ITGB6: variants seen among roughly 807,000 people sequenced by gnomAD.
ITGB6 encodes the protein integrin beta-6.
In ITGB6, 80 loss-of-function variants were observed where a neutral mutation model predicts 84.5. The ratio of observed to expected loss-of-function variants is 0.95; its 90% CI spans 0.79 to 1.14. The LOEUF (loss-of-function observed/expected upper bound fraction) is 1.14. ITGB6 is among the 50% of genes most tolerant of loss of function. ITGB6 has a pLI of 0.00. For missense variants in ITGB6, 1,006 were observed against 968.0 expected (o/e 1.04, Z -0.52); for synonymous variants, 383 against 354.9 (o/e 1.08, Z -0.89).
chr2:160,132,372 C>A (rs1030334464), intron 10 of ITGB6, among the ~76,000 whole-genome samples: 5 of 152,140 alleles, frequency 3.3e-5, no homozygotes, highest in Non-Finnish European at 4.4e-5. Flanking sequence ...TTGGCTGCAA[C>A]AGCAGCAGCA....
chr2:160,117,474 A>C (rs565212836), intron 12 of ITGB6, among the ~76,000 whole-genome samples: 15 of 152,348 alleles, frequency 9.8e-5, no homozygotes, highest in Admixed American at 6.5e-5. Flanking sequence ...AGCGAGAACA[A>C]AGAAACAACA....
chr2:160,144,226 A>G (rs183980813), intron 7 of ITGB6, among the ~76,000 whole-genome samples: 1 of 152,188 alleles, frequency 6.6e-6, no homozygotes, highest in Admixed American at 6.5e-5. Context: ...TAACAGTGTG[A>G]GATGCTGCTC....
Position 160,200,154 on chromosome 2 carries a change from T to C in ITGB6, c.-91A>G. 2 of 993,882 alleles carry C rather than the reference T, an allele frequency of 2.0e-6. No individual in the cohort carries two copies. Among genetic ancestry groups the C allele is most frequent in the Non-Finnish European group, 3.1e-6 (2 of 637,028 alleles). 61.6% of individuals were successfully genotyped at this position (993,882 alleles called of 1,614,324 possible). On this transcript the variant is annotated 5_prime_UTR_variant, in exon 1 of 15. Coordinates refer to ENST00000283249, the MANE Select transcript of ITGB6 (RefSeq NM_000888.5). ...GCTGAATATCGTTAAAGTCTTTCTTTCTTGAAGTATAACATTTTAAATACT... is the reference window on the plus strand; with the variant it reads ...GCTGAATATCGTTAAAGTCTTTCTTCCTTGAAGTATAACATTTTAAATACT...
intron 6 of ITGB6, 121 bp from the exon 7 acceptor site, chr2:160,169,428 T>C: frequency 1.7e-6 from 1 of 577,416 alleles, no homozygotes; most frequent in Non-Finnish European, 3.1e-6. Context: ...GCATTATAGC[T>C]CTATCACTCT....
chr2:160,178,409 T>A (rs1348263790), intron 4 of ITGB6, among the ~76,000 whole-genome samples: 1 of 152,240 alleles, frequency 6.6e-6, no homozygotes, highest in African/African-American at 2.4e-5. Context: ...CATTTGAGCA[T>A]CTTCCAGATC....
Position 160,107,747 on chromosome 2 carries a change from C to A in ITGB6, c.2200G>T (p.Val734Leu). ...ACTTCTTTACGATCATGAAATGACA[C>A]CAGTAGCTTCCAGATGCACAGTAGG... ...VVLLCIWKLL[V>L]SFHDRKEVAK... is the part of the protein sequence containing the mutation. Residue 734 changes from valine to leucine, a missense_variant, in exon 14 of 15, where the codon GTG becomes TTG. Physicochemically the swap from Val to Leu is conservative, Grantham distance 32 (BLOSUM62 1). Transcript: ENST00000283249. 6.2e-7 allele frequency: 1 copy of A among 1,614,060 alleles called. No homozygotes were observed. The highest frequency in any genetic ancestry group is 8.5e-7 in the Non-Finnish European group (1 of 1,179,948).
intron 4 of ITGB6, among the ~76,000 whole-genome samples, chr2:160,176,550 C>T (rs1685427430): frequency 6.6e-6 from 1 of 152,154 alleles, no homozygotes; most frequent in East Asian, 1.9e-4. Flanking sequence ...AAAGTGCTGA[C>T]CACAGACTGT....
chr2:160,180,845 G>A (rs553560375), intron 4 of ITGB6, among the ~76,000 whole-genome samples: 1 of 152,172 alleles, frequency 6.6e-6, no homozygotes, highest in Non-Finnish European at 1.5e-5. Context: ...AGGGTGAGCC[G>A]AAGCAGGGTG....
intron 7 of ITGB6, among the ~76,000 whole-genome samples, chr2:160,145,041 G>C (rs1342839957): frequency 6.6e-6 from 1 of 152,160 alleles, no homozygotes; most frequent in Non-Finnish European, 1.5e-5. Flanking sequence ...AAATATTGTA[G>C]TATTATGATT....
chr2:160,167,795 G>C (rs1302307927), intron 7 of ITGB6, among the ~76,000 whole-genome samples: 2 of 152,062 alleles, frequency 1.3e-5, no homozygotes, highest in Non-Finnish European at 1.5e-5. Context: ...AGTGAGTTAT[G>C]GTAGTCTATG....
chr2:160,162,387 T>C (rs1559176422), intron 7 of ITGB6, among the ~76,000 whole-genome samples: 2 of 152,040 alleles, frequency 1.3e-5, no homozygotes, highest in Non-Finnish European at 1.5e-5. Flanking sequence ...TGTATATATA[T>C]ACACACACAC....
chr2:160,198,594 T>C (rs908844105), intron 2 of ITGB6, among the ~76,000 whole-genome samples: 1 of 152,234 alleles, frequency 6.6e-6, no homozygotes, highest in Non-Finnish European at 1.5e-5. Flanking sequence ...ACTGCTTTCA[T>C]GTAGTTTTCG....
chr2:160,123,012 A>C (rs1324525248), intron 12 of ITGB6, among the ~76,000 whole-genome samples: 1 of 152,208 alleles, frequency 6.6e-6, no homozygotes, highest in Non-Finnish European at 1.5e-5. Context: ...ATGATACCAA[A>C]TTAAATTCTC....
intron 4 of ITGB6, among the ~76,000 whole-genome samples, chr2:160,188,370 C>G (rs1021259190): frequency 6.6e-6 from 1 of 152,100 alleles, no homozygotes; most frequent in Non-Finnish European, 1.5e-5. Context: ...TTGCTATTTA[C>G]CACCTTAATG....
Position 160,196,231 on chromosome 2 carries a change from G to A in ITGB6, c.331C>T (p.Leu111Phe), listed in dbSNP as rs1229767855. ...CCTAACATACCTGGTCTCAACTTAAGGATCAAGCTTTGAGGCGCAATCTGA... is the reference window on the plus strand; with the variant it reads ...CCTAACATACCTGGTCTCAACTTAAAGATCAAGCTTTGAGGCGCAATCTGA... Reference protein sequence around the residue: ...IVQIAPQSLILKLRPGGAQTL... With the variant: ...IVQIAPQSLIFKLRPGGAQTL... Residue 111 changes from leucine to phenylalanine, a missense_variant, in exon 3 of 15, where the codon CTT becomes TTT. Physicochemically the swap from Leu to Phe is conservative, Grantham distance 22. Transcript: ENST00000283249. The A allele has an allele frequency of 6.2e-7, 1 of 1,613,836 alleles. No homozygotes were observed.
chr2:160,114,630 C>T (rs1682681469), intron 12 of ITGB6, among the ~76,000 whole-genome samples: 1 of 152,190 alleles, frequency 6.6e-6, no homozygotes, highest in Non-Finnish European at 1.5e-5. Context: ...GGGTTCATCT[C>T]ACTAGGGAGT....
At chr2:160,191,360 G>A (rs1430442326) in intron 4 of ITGB6, among the ~76,000 whole-genome samples, 2 of 152,112 alleles carry the variant, frequency 1.3e-5, no homozygotes, top group Non-Finnish European at 2.9e-5. Flanking sequence ...TGCTTCCTTT[G>A]TAGTTAACTG....
chr2:160,137,064 GA>G (rs57756134), intron 10 of ITGB6, among the ~76,000 whole-genome samples: 93,721 of 143,466 alleles, frequency 0.65, 30,273 homozygotes, highest in Admixed American at 0.73. Context: ...AAAAAAAAAA[GA>G]AAAAAAAAAA....
At chr2:160,194,192 A>G (rs1185766766) in intron 4 of ITGB6, among the ~76,000 whole-genome samples, 1 of 151,690 alleles carries the variant, frequency 6.6e-6, no homozygotes, top group African/African-American at 2.4e-5. Context: ...AAACAAAAAT[A>G]CTCTCTTTTT....
Sources: gnomAD v4.1 joint callset for allele counts (sites outside exome capture counted in the v4.1 genomes callset) on GRCh38, gnomAD v4.1.1 for gene constraint, MANE v1.5 for transcripts, NCBI Gene and HGNC (gene_info 2026-07-23, HGNC 2026-07-21) for gene names.